NFIB: variants seen among roughly 807,000 people sequenced by gnomAD.
NFIB encodes the protein nuclear factor 1 B-type.
In NFIB, 11 loss-of-function variants were observed where a neutral mutation model predicts 61.5. That is an observed-to-expected ratio of 0.18 (90% CI 0.11 to 0.30). The LOEUF (loss-of-function observed/expected upper bound fraction) is 0.30. NFIB is among the 10% of genes least tolerant of loss of function. The probability of loss-of-function intolerance (pLI) is 1.00; values close to 1 mark genes in which losing one functional copy is unlikely to be tolerated. For missense variants in NFIB, 471 were observed against 608.9 expected (o/e 0.77, Z 2.38); for synonymous variants, 260 against 216.5 (o/e 1.20, Z -1.76).
chr9:14,188,378 G>A (rs1265870801), intron 2 of NFIB, among the ~76,000 whole-genome samples: 3 of 152,134 alleles, frequency 2.0e-5, no homozygotes, highest in Non-Finnish European at 4.4e-5. Context: ...AAATGCACCA[G>A]CATAATATAA....
chr9:14,382,031 G>A (rs181704338), intron 1 of NFIB, among the ~76,000 whole-genome samples: 20 of 152,298 alleles, frequency 1.3e-4, no homozygotes, highest in African/African-American at 4.1e-4. Context: ...TGTTTTTTAA[G>A]AGGGAAGTTA....
At chr9:14,505,766 C>T in the NFIB span, among the ~76,000 whole-genome samples, 1 of 152,122 alleles carries the variant, frequency 6.6e-6, no homozygotes, top group Admixed American at 6.5e-5. Context: ...CTACCAGGGG[C>T]CCCCACCTGG....
Position 14,217,660 on chromosome 9 carries a change from C to CAAAAAAAAAAAAAAAAAAAA in NFIB, c.563-37900_563-37881dup, listed in dbSNP as rs34055171. On this transcript the variant is annotated intron_variant, in intron 2 of 10. Transcript: ENST00000380953. ...GGGCAACAAGAGTGAAACTCCATCTCAAAAAAAAAAAAAAAAAAAAAGACA... is the reference window on the plus strand; with the variant it reads ...GGGCAACAAGAGTGAAACTCCATCTCAAAAAAAAAAAAAAAAAAAAAAAAAAAAAAAAAAAAAAAAAGACA... 8.2e-4 allele frequency among the ~76,000 whole-genome samples: 67 copies of CAAAAAAAAAAAAAAAAAAAA among 81,496 alleles called. 1 individual carries two copies. Among genetic ancestry groups the CAAAAAAAAAAAAAAAAAAAA allele is most frequent in the East Asian group, 4.9e-3 (9 of 1,834 alleles). The allele number at this position is 81,496 out of a possible 152,430, so 53.5% of individuals were successfully genotyped here.
intron 10 of NFIB, among the ~76,000 whole-genome samples, chr9:14,098,669 G>C (rs187809491): frequency 4.6e-5 from 7 of 152,216 alleles, no homozygotes; most frequent in Admixed American, 4.6e-4. Context: ...CTAAGATCTT[G>C]AGCCCATTCT....
At chr9:14,295,590 C>T (rs2132591419) in intron 2 of NFIB, among the ~76,000 whole-genome samples, 1 of 152,232 alleles carries the variant, frequency 6.6e-6, no homozygotes, top group Admixed American at 6.5e-5. Flanking sequence ...GAGATTGCGC[C>T]ACTGCACTCC....
At chr9:14,314,820 T>TCCCCACACCAGCACCC (rs2060465199), upstream of NFIB, among the ~76,000 whole-genome samples, 1 of 149,432 alleles carries the variant, frequency 6.7e-6, no homozygotes, top group African/African-American at 2.5e-5. Flanking sequence ...ATAGCTCTTC[T>TCCCCACACCAGCACCC]TTCCGCTGCC....
the NFIB span, among the ~76,000 whole-genome samples, chr9:14,476,358 A>G: frequency 6.6e-6 from 1 of 152,014 alleles, no homozygotes; most frequent in Admixed American, 6.6e-5. Context: ...CTGTCAGATA[A>G]TGGGGAGTAC....
chr9:14,111,483 A>G (rs1444185962), intron 10 of NFIB, among the ~76,000 whole-genome samples: 1 of 152,234 alleles, frequency 6.6e-6, no homozygotes, highest in Non-Finnish European at 1.5e-5. Context: ...GATGTGTCAT[A>G]AAGAATAATG....
chr9:14,087,382 T>G lies in NFIB; in HGVS notation c.*927A>C. The G allele has an allele frequency of 4.8e-6, 1 of 207,978 alleles. No homozygotes were observed. Among genetic ancestry groups the G allele is most frequent in the East Asian group, 7.3e-5 (1 of 13,782 alleles). 12.9% of individuals were successfully genotyped at this position (207,978 alleles called of 1,614,324 possible). A position where few individuals can be genotyped will look rare whatever the true frequency, so the allele number is the denominator to read the frequency against. ...TCCCCTCAATTTAGAGTCCAAGGGC[T>G]GAAGGACTTATAATCATGATTCCCC... On this transcript the variant is annotated 3_prime_UTR_variant, in exon 11 of 11. Transcript: ENST00000380953.
the NFIB span, among the ~76,000 whole-genome samples, chr9:14,531,169 C>T: frequency 6.6e-6 from 1 of 152,162 alleles, no homozygotes; most frequent in Non-Finnish European, 1.5e-5. Context: ...CAGAAAGTTA[C>T]AACTTCTCTC....
chr9:14,417,022 A>C, the NFIB span, among the ~76,000 whole-genome samples: 2 of 149,744 alleles, frequency 1.3e-5, no homozygotes, highest in South Asian at 4.2e-4. Flanking sequence ...CCTCCCAAGT[A>C]GCTGGGATTA....
the NFIB span, among the ~76,000 whole-genome samples, chr9:14,414,233 T>A: frequency 6.6e-6 from 1 of 151,918 alleles, no homozygotes; most frequent in Non-Finnish European, 1.5e-5. Context: ...GTCAAGAGAT[T>A]GAGACCCCAT....
chr9:14,138,934 T>C (rs1006328820), intron 6 of NFIB, among the ~76,000 whole-genome samples: 2 of 152,088 alleles, frequency 1.3e-5, no homozygotes, highest in Non-Finnish European at 2.9e-5. Context: ...AATTTTACCA[T>C]CTCAAAATTT....
the NFIB span, among the ~76,000 whole-genome samples, chr9:14,453,733 C>T: frequency 6.6e-5 from 10 of 152,144 alleles, no homozygotes; most frequent in Admixed American, 2.6e-4. Flanking sequence ...TTCCCTTGCT[C>T]CATAATTACT....
chr9:14,262,840 A>T (rs1426336947), intron 2 of NFIB, among the ~76,000 whole-genome samples: 1 of 152,112 alleles, frequency 6.6e-6, no homozygotes, highest in African/African-American at 2.4e-5. Context: ...TCAACATGAA[A>T]CTGGCAAGTT....
intron 8 of NFIB, among the ~76,000 whole-genome samples, chr9:14,117,153 T>A (rs1204832527): frequency 2.0e-5 from 3 of 152,228 alleles, no homozygotes; most frequent in Non-Finnish European, 4.4e-5. Context: ...AGCATTGTTA[T>A]TTGAGTTACT....
intron 2 of NFIB, among the ~76,000 whole-genome samples, chr9:14,254,665 A>C (rs7857978): frequency 0.021 from 3,176 of 152,300 alleles, 101 homozygotes; most frequent in African/African-American, 0.071. Context: ...ATTAGTGTTA[A>C]TAATGATACA....
the NFIB span, among the ~76,000 whole-genome samples, chr9:14,502,520 T>A: frequency 6.6e-6 from 1 of 152,178 alleles, no homozygotes; most frequent in Non-Finnish European, 1.5e-5. Context: ...ATCACTGGAT[T>A]CCACTTGTCA....
the NFIB span, among the ~76,000 whole-genome samples, chr9:14,408,648 A>T: frequency 6.6e-6 from 1 of 152,246 alleles, no homozygotes; most frequent in East Asian, 1.9e-4. Context: ...TTGAATGGTC[A>T]TGGGTACAAC....
Sources: gnomAD v4.1 joint callset for allele counts (sites outside exome capture counted in the v4.1 genomes callset) on GRCh38, gnomAD v4.1.1 for gene constraint, MANE v1.5 for transcripts, NCBI Gene and HGNC (gene_info 2026-07-23, HGNC 2026-07-21) for gene names.